Variants in NAALADL2 observed in about 807,000 individuals in gnomAD.
NAALADL2 encodes N-acetylated alpha-linked acidic dipeptidase like 2.
A neutral mutation model predicts 87.2 loss-of-function variants in NAALADL2; 76 were observed. That is an observed-to-expected ratio of 0.87 (90% CI 0.72 to 1.05). The LOEUF (loss-of-function observed/expected upper bound fraction) is 1.05, where lower values mean the gene tolerates loss of function less well. NAALADL2 is among the 50% of genes least tolerant of loss of function. NAALADL2 has a pLI of 0.00. For synonymous variants in NAALADL2, 354 were observed against 331.0 expected (o/e 1.07, Z -0.75); for missense variants, 1,089 against 945.8 (o/e 1.15, Z -1.99).
chr3:175,639,149 C>T (rs1337580193), intron 11 of NAALADL2, among the ~76,000 whole-genome samples: 1 of 151,946 alleles, frequency 6.6e-6, no homozygotes, highest in East Asian at 1.9e-4. Flanking sequence ...TCATGTTTGC[C>T]CTAATGTTGC....
intron 11 of NAALADL2, among the ~76,000 whole-genome samples, chr3:175,731,991 ATAATT>A (rs1743822565): frequency 6.6e-6 from 1 of 152,186 alleles, no homozygotes; most frequent in Non-Finnish European, 1.5e-5. Flanking sequence ...CTTTTTATAA[ATAATT>A]TATTTTTATA....
At chr3:174,560,636 G>A (rs1217546422) in intron 2 of NAALADL2, among the ~76,000 whole-genome samples, 1 of 152,104 alleles carries the variant, frequency 6.6e-6, no homozygotes, top group East Asian at 1.9e-4. Flanking sequence ...TTTGATTGAT[G>A]GTTTTTGTAA....
chr3:175,612,454 C>T (rs1724775346), intron 10 of NAALADL2, among the ~76,000 whole-genome samples: 1 of 152,162 alleles, frequency 6.6e-6, no homozygotes, highest in South Asian at 2.1e-4. Context: ...TATAAAGGTA[C>T]TCTCTTCCTA....
intron 1 of NAALADL2, among the ~76,000 whole-genome samples, chr3:175,004,376 CAAAAAAAAAAAAAAAAAAA>C (rs538715061): frequency 5.9e-5 from 2 of 33,840 alleles, no homozygotes; most frequent in Non-Finnish European, 1.9e-4. Context: ...GAGACTATTT[CAAAAAAAAAAAAAAAAAAA>C]AAAAAAAAAA....
chr3:174,785,149 C>G (rs76942119), intron 3 of NAALADL2, among the ~76,000 whole-genome samples: 1,779 of 152,234 alleles, frequency 0.012, 20 homozygotes, highest in Non-Finnish European at 0.017. Context: ...CAGTGTACAA[C>G]AGTTAGCTTT....
At chr3:174,687,691 T>G (rs944899405) in intron 2 of NAALADL2, among the ~76,000 whole-genome samples, 1 of 152,136 alleles carries the variant, frequency 6.6e-6, no homozygotes. Flanking sequence ...TTATTTATGT[T>G]AATATAATTT....
At chr3:174,995,786 G>GA (rs547943890) in intron 1 of NAALADL2, among the ~76,000 whole-genome samples, 7,153 of 136,694 alleles carry the variant, frequency 0.052, 290 homozygotes, top group African/African-American at 0.11. Context: ...CGCTATTACT[G>GA]AAAAAAAAAA....
At chr3:174,840,160 T>C (rs1389721573) in intron 3 of NAALADL2, among the ~76,000 whole-genome samples, 1 of 151,494 alleles carries the variant, frequency 6.6e-6, no homozygotes, top group African/African-American at 2.4e-5. Context: ...ATCTAATATA[T>C]ATATCTATAT....
chr3:175,714,493 T>C (rs1356101116), intron 11 of NAALADL2, among the ~76,000 whole-genome samples: 5 of 152,168 alleles, frequency 3.3e-5, no homozygotes, highest in Non-Finnish European at 7.4e-5. Flanking sequence ...GTTGATGAGC[T>C]TTTTTTCATT....
intron 11 of NAALADL2, among the ~76,000 whole-genome samples, chr3:175,731,593 C>T (rs1743758715): frequency 6.6e-6 from 1 of 152,174 alleles, no homozygotes; most frequent in Admixed American, 6.5e-5. Flanking sequence ...TAAGAATATG[C>T]AGTGTGGCTC....
chr3:174,755,757 T>G (rs372179976), intron 3 of NAALADL2, among the ~76,000 whole-genome samples: 6 of 152,332 alleles, frequency 3.9e-5, no homozygotes, highest in African/African-American at 1.4e-4. Context: ...TCTAAGAGAT[T>G]TAATCAAATT....
At chr3:174,837,768 TG>T (rs1274886336) in intron 3 of NAALADL2, among the ~76,000 whole-genome samples, 3 of 151,988 alleles carry the variant, frequency 2.0e-5, no homozygotes, top group South Asian at 2.1e-4. Flanking sequence ...CACTGCAGCC[TG>T]GGTGATAGAG....
intron 1 of NAALADL2, among the ~76,000 whole-genome samples, chr3:175,048,750 T>C (rs1460767577): frequency 1.3e-5 from 2 of 152,202 alleles, no homozygotes; most frequent in African/African-American, 4.8e-5. Flanking sequence ...TCAGAGCATG[T>C]ATTTCTTAAT....
chr3:175,054,033 T>C (rs1711565339), intron 1 of NAALADL2, among the ~76,000 whole-genome samples: 1 of 152,224 alleles, frequency 6.6e-6, no homozygotes, highest in African/African-American at 2.4e-5. Flanking sequence ...AAGTCATCAG[T>C]TGTTCATCTG....
chr3:175,335,402 T>C (rs1761876551), intron 5 of NAALADL2, among the ~76,000 whole-genome samples: 3 of 152,184 alleles, frequency 2.0e-5, no homozygotes, highest in African/African-American at 7.2e-5. Context: ...ATCCATGAGA[T>C]AGTATCTGCA....
chr3:175,759,046 G>A (rs935240403), intron 13 of NAALADL2, among the ~76,000 whole-genome samples: 1 of 151,982 alleles, frequency 6.6e-6, no homozygotes, highest in Admixed American at 6.6e-5. Flanking sequence ...TTTGGAATAC[G>A]TAGAATAATA....
At chr3:174,794,497 T>C (rs898953438) in intron 3 of NAALADL2, among the ~76,000 whole-genome samples, 2 of 152,190 alleles carry the variant, frequency 1.3e-5, no homozygotes, top group African/African-American at 4.8e-5. Flanking sequence ...CATCCATTGT[T>C]ATTAAATTGC....
intron 1 of NAALADL2, among the ~76,000 whole-genome samples, chr3:174,543,642 G>A (rs1053826952): frequency 1.3e-5 from 2 of 151,952 alleles, no homozygotes; most frequent in Non-Finnish European, 2.9e-5. Context: ...ATTTTAGGGT[G>A]TATTTTACTA....
intron 1 of NAALADL2, among the ~76,000 whole-genome samples, chr3:174,511,882 G>T (rs966877970): frequency 4.0e-5 from 6 of 151,896 alleles, no homozygotes; most frequent in African/African-American, 1.5e-4. Context: ...GTTTACCACC[G>T]AATAATGTTA....
Sources: allele counts gnomAD v4.1 joint callset (sites outside exome capture counted in the v4.1 genomes callset), GRCh38; gene constraint gnomAD v4.1.1; transcripts MANE v1.5; gene names NCBI Gene and HGNC (gene_info 2026-07-23, HGNC 2026-07-21).